The following AKAP10 variants were observed in gnomAD, a reference collection of about 807,000 sequenced individuals.
AKAP10 encodes the protein A-kinase anchoring protein 10.
A neutral mutation model predicts 80.8 loss-of-function variants in AKAP10; 24 were observed. That is an observed-to-expected ratio of 0.30 (90% CI 0.22 to 0.42). The LOEUF is 0.42. Ranked by LOEUF, AKAP10 falls within the 10% of genes least tolerant of loss-of-function variation. AKAP10 has a pLI of 1.00. For missense variants in AKAP10, 661 were observed against 794.9 expected (o/e 0.83, Z 2.03); for synonymous variants, 291 against 277.7 (o/e 1.05, Z -0.48).
intron 3 of AKAP10, among the ~76,000 whole-genome samples, chr17:19,959,535 A>G (rs1333432497): frequency 6.6e-6 from 1 of 152,216 alleles, no homozygotes; most frequent in African/African-American, 2.4e-5. Context: ...TTATTCATTC[A>G]TAGTAGGTTA....
At chr17:19,924,988 A>G (rs913246618) in intron 10 of AKAP10, among the ~76,000 whole-genome samples, 2 of 151,994 alleles carry the variant, frequency 1.3e-5, no homozygotes, top group Admixed American at 1.3e-4. Flanking sequence ...ATATGGTGAA[A>G]CCCAGTTTCT....
chr17:19,938,306 C>T (rs564217309), intron 8 of AKAP10, among the ~76,000 whole-genome samples: 6 of 149,224 alleles, frequency 4.0e-5, no homozygotes, highest in African/African-American at 1.2e-4. Context: ...GCATGATCTC[C>T]GCTCACTGCA....
intron 2 of AKAP10, among the ~76,000 whole-genome samples, chr17:19,963,969 T>A (rs2152418569): frequency 6.6e-6 from 1 of 152,030 alleles, no homozygotes; most frequent in Non-Finnish European, 1.5e-5. Flanking sequence ...TGAAGAAATA[T>A]CAGTATCACC....
intron 1 of AKAP10, among the ~76,000 whole-genome samples, chr17:19,976,411 A>C (rs1009344392): frequency 6.6e-6 from 1 of 151,712 alleles, no homozygotes; most frequent in African/African-American, 2.4e-5. Flanking sequence ...AACCTGGGAG[A>C]CAGAGGTTGC....
chr17:19,944,471 G>A (rs1567764163), intron 5 of AKAP10, among the ~76,000 whole-genome samples: 1 of 152,042 alleles, frequency 6.6e-6, no homozygotes, highest in African/African-American at 2.4e-5. Context: ...CCAACACGGT[G>A]AAACCCCGTT....
At chr17:19,931,141 GA>G (rs1052856841) in intron 10 of AKAP10, among the ~76,000 whole-genome samples, 2 of 147,838 alleles carry the variant, frequency 1.4e-5, no homozygotes, top group South Asian at 2.1e-4. Flanking sequence ...CTCAAGAAAA[GA>G]AAAAAAAAGG....
intron 12 of AKAP10, among the ~76,000 whole-genome samples, chr17:19,910,969 A>G (rs2042683847): frequency 6.6e-6 from 1 of 152,194 alleles, no homozygotes; most frequent in African/African-American, 2.4e-5. Context: ...TAATAATTTG[A>G]ACATGCTCAC....
At chr17:19,911,570 G>A (rs2042689951) in intron 12 of AKAP10, among the ~76,000 whole-genome samples, 1 of 152,006 alleles carries the variant, frequency 6.6e-6, no homozygotes, top group African/African-American at 2.4e-5. Flanking sequence ...TGGGCGCGGT[G>A]GCTCACGCCT....
intron 10 of AKAP10, among the ~76,000 whole-genome samples, chr17:19,931,225 G>A (rs2042928873): frequency 6.6e-6 from 1 of 152,010 alleles, no homozygotes. Context: ...GCTCTTCAGA[G>A]GCTATGAATA....
At chr17:19,925,515 GT>G (rs2042866772) in intron 10 of AKAP10, among the ~76,000 whole-genome samples, 1 of 152,100 alleles carries the variant, frequency 6.6e-6, no homozygotes, top group African/African-American at 2.4e-5. Context: ...AGAGCCATAG[GT>G]TGACCTAGAA....
chr17:19,942,551 C>G (rs1179790857), intron 5 of AKAP10, among the ~76,000 whole-genome samples: 1 of 152,014 alleles, frequency 6.6e-6, no homozygotes, highest in Non-Finnish European at 1.5e-5. Flanking sequence ...TTTCAATGAG[C>G]AATTCTATTT....
At chr17:19,950,468 C>T (rs1043694602) in intron 4 of AKAP10, among the ~76,000 whole-genome samples, 1 of 152,226 alleles carries the variant, frequency 6.6e-6, no homozygotes, top group Admixed American at 6.5e-5. Flanking sequence ...CGCCGCCACA[C>T]CTGACTGGTT....
intron 3 of AKAP10, among the ~76,000 whole-genome samples, chr17:19,962,338 A>C (rs1228735775): frequency 6.6e-6 from 1 of 152,000 alleles, no homozygotes; most frequent in Non-Finnish European, 1.5e-5. Flanking sequence ...ACACCTGCAC[A>C]TATGAATGAG....
In AKAP10 at chr17:19,919,032, T is replaced by A. The variant is rs150874692; in HGVS notation, c.1834+1004A>T. On this transcript the variant is annotated intron_variant, in intron 12 of 14. Coordinates refer to ENST00000225737, the MANE Select transcript of AKAP10 (RefSeq NM_007202.4). ...ATGTTGGTGTGCTGCACCCATTAAC[T>A]CGTCATTTATATTAGGTATATCTCC... is the stretch of plus-strand genomic sequence containing the variant. Among the ~76,000 whole-genome samples the A allele has an allele frequency of 2.5e-3, 380 of 150,002 alleles. 1 individual carries two copies. Among genetic ancestry groups the A allele is most frequent in the African/African-American group, 8.7e-3 (360 of 41,144 alleles).
chr17:19,956,786 C>T (rs1597520679), intron 4 of AKAP10, among the ~76,000 whole-genome samples: 1 of 152,064 alleles, frequency 6.6e-6, no homozygotes, highest in East Asian at 1.9e-4. Flanking sequence ...AGGTGGGTCA[C>T]TTGAGGTCAG....
chr17:19,926,295 T>C (rs2042874728), intron 10 of AKAP10, among the ~76,000 whole-genome samples: 1 of 149,524 alleles, frequency 6.7e-6, no homozygotes, highest in African/African-American at 2.4e-5. Context: ...AAAAAAGCCT[T>C]AAAAAATCAG....
intron 9 of AKAP10, among the ~76,000 whole-genome samples, chr17:19,932,267 A>G (rs907672004): frequency 3.9e-5 from 6 of 151,936 alleles, no homozygotes; most frequent in African/African-American, 1.5e-4. Flanking sequence ...CCTGGCCAAC[A>G]TGATGAAACC....
chr17:19,911,836 A>C (rs1226139995), intron 12 of AKAP10, among the ~76,000 whole-genome samples: 1 of 12,258 alleles, frequency 8.2e-5, no homozygotes, highest in Admixed American at 9.1e-4. Context: ...ACTCTGTCAC[A>C]AAAAAAAAAA....
intron 3 of AKAP10, among the ~76,000 whole-genome samples, chr17:19,962,285 TACATACATATAC>T (rs1368068639): frequency 2.2e-5 from 3 of 134,734 alleles, no homozygotes; most frequent in African/African-American, 5.5e-5. Context: ...CATACATACA[TACATACATATAC>T]ACACACACAC....
Sources: gnomAD v4.1 joint callset for allele counts (sites outside exome capture counted in the v4.1 genomes callset) on GRCh38, gnomAD v4.1.1 for gene constraint, MANE v1.5 for transcripts, NCBI Gene and HGNC (gene_info 2026-07-23, HGNC 2026-07-21) for gene names.